Variants in SCN1A observed in about 807,000 individuals in gnomAD.
The protein encoded by SCN1A is sodium voltage-gated channel alpha subunit 1.
A neutral mutation model predicts 193.7 loss-of-function variants in SCN1A; 13 were observed. The observed-to-expected ratio is 0.07, with a 90% CI of 0.04 to 0.11. The LOEUF (loss-of-function observed/expected upper bound fraction) is 0.11, where lower values mean the gene tolerates loss of function less well. Among genes scored for constraint, SCN1A ranks in the 10% least tolerant of loss-of-function variants. SCN1A has a pLI of 1.00. For synonymous variants in SCN1A, 781 were observed against 843.6 expected (o/e 0.93, Z 1.29); for missense variants, 1,432 against 2,451.1 (o/e 0.58, Z 8.78).
chr2:166,047,599 A>G, intron 11 of SCN1A, 28 bp downstream of exon 11: 1 of 1,611,940 alleles, frequency 6.2e-7, no homozygotes, highest in East Asian at 2.2e-5. Context: ...TTTTACTTAA[A>G]TGGAGAGTGT....
intron 4 of SCN1A, among the ~76,000 whole-genome samples, chr2:166,071,044 T>A (rs1574358545): frequency 6.6e-6 from 1 of 152,238 alleles, no homozygotes; most frequent in East Asian, 1.9e-4. Flanking sequence ...CACTAACATA[T>A]CCCAAGAGCA....
intron 2 of SCN1A, among the ~76,000 whole-genome samples, chr2:166,094,194 A>T (rs996601949): frequency 2.0e-5 from 3 of 152,238 alleles, no homozygotes; most frequent in African/African-American, 7.2e-5. Context: ...TACACCTTAA[A>T]TATTAAATGA....
intron 17 of SCN1A, among the ~76,000 whole-genome samples, 157 bp downstream of exon 17, chr2:166,039,265 AT>A (rs1418177063): frequency 6.6e-6 from 1 of 152,162 alleles, no homozygotes; most frequent in Non-Finnish European, 1.5e-5. Flanking sequence ...ATAATTGAGA[AT>A]TTTTTTCCAT....
At chr2:166,045,458 C>T (rs1697708050) in intron 12 of SCN1A, 131 bp from the exon 13 acceptor site, 3 of 1,071,098 alleles carry the variant, frequency 2.8e-6, no homozygotes, top group South Asian at 1.3e-5. Context: ...AGAGAAGATT[C>T]TCTGCAAGTA....
chr2:166,113,861 C>T (rs905245685), intron 2 of SCN1A, among the ~76,000 whole-genome samples: 71 of 152,088 alleles, frequency 4.7e-4, no homozygotes, highest in African/African-American at 1.6e-3. Flanking sequence ...TTGTACCCCA[C>T]AAATATACAA....
intron 4 of SCN1A, among the ~76,000 whole-genome samples, chr2:166,068,613 A>G (rs1011211137): frequency 6.6e-6 from 1 of 152,204 alleles, no homozygotes; most frequent in African/African-American, 2.4e-5. Flanking sequence ...AATTCCAATT[A>G]AAAACAAAAC....
chr2:166,070,281 G>A lies in SCN1A; in HGVS notation c.264+3077C>T, dbSNP rs547197497. On this transcript the variant is annotated intron_variant, in intron 4 of 28. Coordinates refer to ENST00000674923, the MANE Select transcript of SCN1A (RefSeq NM_001165963.4). The stretch of plus-strand genomic sequence containing the variant: ...GGATTTCAGCCCTGCAAAAAGCTTC[G>A]TGTGCATTGCTGTTGAATGACTTAC... Among the ~76,000 whole-genome samples, 6 of 152,264 alleles carry A rather than the reference G, an allele frequency of 3.9e-5. No homozygotes were observed. The South Asian group carries it at 1.0e-3, about 26-fold the overall frequency.
chr2:166,074,710 A>G (rs774024978), intron 3 of SCN1A, among the ~76,000 whole-genome samples: 1 of 152,202 alleles, frequency 6.6e-6, no homozygotes, highest in Admixed American at 6.5e-5. Context: ...CCACTTGGCC[A>G]TGAATTTTAT....
At chr2:166,034,327 T>G (rs1696052094) in intron 19 of SCN1A, among the ~76,000 whole-genome samples, 2 of 152,168 alleles carry the variant, frequency 1.3e-5, no homozygotes, top group South Asian at 4.1e-4. Context: ...ATTCAGAGAC[T>G]CATTATAAAT....
intron 2 of SCN1A, among the ~76,000 whole-genome samples, chr2:166,084,113 C>T (rs1414410634): frequency 6.6e-6 from 1 of 151,918 alleles, no homozygotes; most frequent in African/African-American, 2.4e-5. Flanking sequence ...GCAGGTTTTG[C>T]ACAAAGTGGA....
intron 1 of SCN1A, among the ~76,000 whole-genome samples, chr2:166,144,561 A>G (rs866643927): frequency 6.6e-5 from 10 of 150,456 alleles, no homozygotes; most frequent in African/African-American, 2.4e-4. Context: ...TAAATGTATG[A>G]TAAGTCAGGT....
intron 19 of SCN1A, among the ~76,000 whole-genome samples, chr2:166,030,408 A>G (rs1434033045): frequency 8.5e-5 from 1 of 11,788 alleles, no homozygotes; most frequent in African/African-American, 5.9e-4. Context: ...CTGAATTACT[A>G]AGGACCTCAC....
intron 27 of SCN1A, 101 bp from the exon 28 acceptor site, chr2:165,994,517 G>T: frequency 9.4e-7 from 1 of 1,067,802 alleles, no homozygotes; most frequent in Non-Finnish European, 1.4e-6. Flanking sequence ...TTCTTGCAAA[G>T]TAGTCATTGG....
chr2:166,020,521 G>A (rs1693912325), intron 19 of SCN1A, among the ~76,000 whole-genome samples: 1 of 152,082 alleles, frequency 6.6e-6, no homozygotes, highest in Admixed American at 6.5e-5. Flanking sequence ...TGCTTATCAA[G>A]AATAAGTTAT....
chr2:165,998,015 G>A, intron 26 of SCN1A, 23 bp downstream of exon 26: 1 of 1,571,306 alleles, frequency 6.4e-7, no homozygotes, highest in Non-Finnish European at 8.7e-7. Context: ...CTCAGTGGGA[G>A]AGAAAATATT....
At chr2:165,984,936 A>G (rs562319079), downstream of SCN1A, 1 of 152,288 alleles carries the variant, frequency 6.6e-6, no homozygotes, top group East Asian at 1.9e-4. Flanking sequence ...TTCACAGTCA[A>G]ATTTTCCCAT....
intron 19 of SCN1A, among the ~76,000 whole-genome samples, chr2:166,023,850 A>T (rs941036555): frequency 5.9e-5 from 9 of 151,530 alleles, no homozygotes; most frequent in Non-Finnish European, 1.0e-4. Flanking sequence ...ATCTCGGCTC[A>T]CTGTGACCTC....
At chr2:166,148,954 C>A (rs1257777929) in intron 1 of SCN1A, 1 of 152,218 alleles carries the variant, frequency 6.6e-6, no homozygotes, top group African/African-American at 2.4e-5. Flanking sequence ...GAACTGTAAT[C>A]TCAGTAATTT....
chr2:166,090,973 A>G (rs1443025612), intron 2 of SCN1A, among the ~76,000 whole-genome samples: 8 of 152,236 alleles, frequency 5.3e-5, no homozygotes, highest in African/African-American at 1.9e-4. Flanking sequence ...TGTTTAAATT[A>G]CTAATATTTT....
Sources: allele counts gnomAD v4.1 joint callset (sites outside exome capture counted in the v4.1 genomes callset), GRCh38; gene constraint gnomAD v4.1.1; transcripts MANE v1.5; gene names NCBI Gene and HGNC (gene_info 2026-07-23, HGNC 2026-07-21).